LTN1: variants seen among roughly 807,000 people sequenced by gnomAD.
The protein encoded by LTN1 is E3 ubiquitin-protein ligase listerin.
A neutral mutation model predicts 201.2 loss-of-function variants in LTN1; 88 were observed. The ratio of observed to expected loss-of-function variants is 0.44; its 90% CI spans 0.37 to 0.52. The LOEUF is 0.52. Among genes scored for constraint, LTN1 ranks in the 20% least tolerant of loss-of-function variants. LTN1 has a pLI of 0.00. For synonymous variants in LTN1, 645 were observed against 713.5 expected, an observed-to-expected ratio of 0.90 and a Z score of 1.53; for missense variants, 1,752 against 2,038.7, an observed-to-expected ratio of 0.86 and a Z score of 2.71.
rs373356896 is a variant in LTN1, at chr21:28,982,411, T to A, written c.577-43A>T. 3.5e-6 allele frequency: 5 copies of A among 1,425,412 alleles called. No individual in the cohort carries two copies. In the South Asian group the frequency reaches 4.6e-5, roughly 13 times the overall value. 88.3% of individuals were successfully genotyped at this position (1,425,412 alleles called of 1,614,324 possible). A position where few individuals can be genotyped will look rare whatever the true frequency, so the allele number is the denominator to read the frequency against. On this transcript the variant is annotated intron_variant, in intron 4 of 29. Transcript: ENST00000361371. ...ACCAAAGCCTTTGGTTTTACTGAACTGTCAATGGTGAACAGACAGAGCCTA... is the reference window on the plus strand; with the variant it reads ...ACCAAAGCCTTTGGTTTTACTGAACAGTCAATGGTGAACAGACAGAGCCTA...
At position 28,988,128 on chromosome 21, in the gene LTN1, C is replaced by T. The variant is rs59213724; in HGVS notation, c.43-1194G>A. ...TTGCACTCCAGCCTGGGTGACAGGG[C>T]GAGACTCTGTCTCAAAAAAAAAAAA... On this transcript the variant is annotated intron_variant, in intron 1 of 29. Coordinates refer to ENST00000361371, the MANE Select transcript of LTN1 (RefSeq NM_015565.3). Among the ~76,000 whole-genome samples, 9 of 129,842 alleles carry T rather than the reference C, an allele frequency of 6.9e-5. No homozygotes were observed. In the East Asian group the frequency reaches 1.3e-3, roughly 19 times the overall value. 85.2% of individuals were successfully genotyped at this position (129,842 alleles called of 152,430 possible).
Position 28,984,729 on chromosome 21 carries a change from G to C in LTN1, c.539C>G (p.Pro180Arg). Residue 180 changes from proline to arginine, a missense_variant, in exon 4 of 30, where the codon CCT (proline) becomes CGT (arginine). This residue lies in a region of LTN1 where 280 missense variants were observed against 375.7 expected (regional missense o/e 0.75). Coordinates refer to ENST00000361371, the MANE Select transcript of LTN1 (RefSeq NM_015565.3). ...ATCCTTACAAAATGCTATGGCTTCA[G>C]GTTGCTTGCTTGGAGGAAAAGCCGC... ...FEAAFPPSKQ[P>R]EAIAFCKDEI... 1 of 1,614,030 alleles carries C rather than the reference G, an allele frequency of 6.2e-7. No homozygotes were observed. The highest frequency in any genetic ancestry group is 1.3e-5 in the African/African-American group (1 of 75,022).
intron 1 of LTN1, 93 bp downstream of exon 1, chr21:28,992,671 A>C: frequency 6.9e-7 from 1 of 1,442,132 alleles, no homozygotes. Flanking sequence ...GCCTCCCTAC[A>C]GCCGCGCTCC....
chr21:28,935,385 G>T, intron 26 of LTN1, 56 bp from the exon 27 acceptor site: 1 of 1,024,688 alleles, frequency 9.8e-7, no homozygotes, highest in South Asian at 1.4e-5. Flanking sequence ...TAGAATAACA[G>T]ACTAATATTA....
chr21:28,953,329 G>A lies in LTN1; in HGVS notation c.3127C>T (p.Pro1043Ser). The change falls in exon 17 of 30, where the codon CCA (proline) becomes TCA (serine). Residue 1043 changes from proline to serine, a missense_variant. Transcript: ENST00000361371. Reference protein sequence around the residue: ...SLQWCEELDNPPIFLIGFCEI... With the variant: ...SLQWCEELDNSPIFLIGFCEI... Reference sequence around the variant, plus strand: ...CAAAATCCAATTAGAAAAATAGGTGGGTTATCTAATTCTTCACACCACTGC... The same window carrying A: ...CAAAATCCAATTAGAAAAATAGGTGAGTTATCTAATTCTTCACACCACTGC... 1 of 1,605,664 alleles carries A rather than the reference G, an allele frequency of 6.2e-7. No individual in the cohort carries two copies. The highest frequency in any genetic ancestry group is 2.2e-5 in the East Asian group (1 of 44,526).
At chr21:28,964,032 G>A (rs1292709549) in intron 11 of LTN1, among the ~76,000 whole-genome samples, 1 of 152,202 alleles carries the variant, frequency 6.6e-6, no homozygotes, top group Non-Finnish European at 1.5e-5. Flanking sequence ...TAAGAAAGTG[G>A]TTTCTTGAGG....
In LTN1 at chr21:28,931,277, C is replaced by T. The variant is rs1191933538; in HGVS notation, c.5116G>A (p.Asp1706Asn). Residue 1706 changes from aspartate to asparagine, a missense_variant, in exon 29 of 30, where the codon GAC (aspartate) becomes AAC (asparagine). This residue lies in a region of LTN1 where 261 missense variants were observed against 350.1 expected (regional missense o/e 0.75). Coordinates refer to ENST00000361371, the MANE Select transcript of LTN1 (RefSeq NM_015565.3). Reference sequence around the variant, plus strand: ...TCTTCAACACCCTCAAAACGTTTGTCTACGTTATTTTTCCATAAAGCTAAG... The same window carrying T: ...TCTTCAACACCCTCAAAACGTTTGTTTACGTTATTTTTCCATAAAGCTAAG... ...EGLALWKNNV[D>N]KRFEGVEDCM... 1.2e-6 allele frequency: 2 copies of T among 1,612,596 alleles called. No homozygotes were observed. The highest frequency in any genetic ancestry group is 1.1e-5 in the South Asian group (1 of 90,844).
intron 5 of LTN1, 35 bp from the exon 6 acceptor site, chr21:28,981,334 T>G (rs2084657201): frequency 6.5e-6 from 8 of 1,227,576 alleles, no homozygotes; most frequent in Admixed American, 3.0e-5. Context: ...ATTTAAAAAT[T>G]TAGAATTAGC....
chr21:28,931,101 T>TGTG, intron 29 of LTN1, 54 bp downstream of exon 29: 1 of 967,920 alleles, frequency 1.0e-6, no homozygotes, highest in African/African-American at 1.9e-5. Flanking sequence ...GTGTGTGTGT[T>TGTG]TATGTGTATA....
chr21:28,947,559 C>A lies in LTN1; in HGVS notation c.3392G>T (p.Cys1131Phe). The change falls in exon 19 of 30, where the codon TGT becomes TTT. Residue 1131 changes from cysteine to phenylalanine, a missense_variant. Around this residue, in one of 3 missense-constraint regions of LTN1, gnomAD observed 1,211 missense variants for 1,312.8 expected, o/e 0.92. Coordinates refer to ENST00000361371, the MANE Select transcript of LTN1 (RefSeq NM_015565.3). ...EGNLHTIQSL[C>F]PFLSKEEKKE... ...CTTTTCTTCTTTTGACAAAAATGGA[C>A]ATAGACTTTGAATGGTATGCAAATT... The A allele has an allele frequency of 6.3e-7, 1 of 1,592,056 alleles. No individual in the cohort carries two copies. Among genetic ancestry groups the A allele is most frequent in the African/African-American group, 1.4e-5 (1 of 73,744 alleles).
At chr21:28,973,346 CAAAAAAAAA>C (rs771261669) in intron 6 of LTN1, among the ~76,000 whole-genome samples, 1 of 61,772 alleles carries the variant, frequency 1.6e-5, no homozygotes, top group African/African-American at 5.8e-5. Context: ...GAATCCGTCC[CAAAAAAAAA>C]AAAAAAAAAA....
At chr21:28,956,144 G>A (rs763080529) in intron 16 of LTN1, among the ~76,000 whole-genome samples, 5 of 152,068 alleles carry the variant, frequency 3.3e-5, no homozygotes, top group Non-Finnish European at 7.4e-5. Context: ...AGGGGATGAA[G>A]AGAGGTCGGT....
intron 27 of LTN1, among the ~76,000 whole-genome samples, chr21:28,934,285 T>C (rs1298166601): frequency 6.6e-6 from 1 of 152,202 alleles, no homozygotes; most frequent in Non-Finnish European, 1.5e-5. Flanking sequence ...AGTACAGATT[T>C]TGAATGAACT....
intron 23 of LTN1, 72 bp from the exon 24 acceptor site, chr21:28,943,408 G>A (rs2274800): frequency 0.26 from 232,500 of 904,120 alleles, 31,340 homozygotes; most frequent in Non-Finnish European, 0.28. Flanking sequence ...AGAGCAGAAA[G>A]ACCAATACTT....
chr21:28,959,228 C>T (rs571448100), intron 13 of LTN1, among the ~76,000 whole-genome samples: 3 of 152,328 alleles, frequency 2.0e-5, no homozygotes, highest in Admixed American at 6.5e-5. Context: ...TCAATTATGG[C>T]TCATTCCAAA....
In LTN1 at chr21:28,945,704, A is replaced by AC. The variant is rs773104341; in HGVS notation, c.3768+102dup. On this transcript the variant is annotated intron_variant, in intron 21 of 29. Transcript: ENST00000361371. ...AAAGTGTTTTAAATTATACAAAGGA[A>AC]CCAATTACAATCATCACTTAAAGAA... 1.4e-4 allele frequency: 149 copies of AC among 1,047,138 alleles called. 1 individual carries two copies. Among genetic ancestry groups the AC allele is most frequent in the Non-Finnish European group, 2.5e-5 (18 of 728,628 alleles). The allele number at this position is 1,047,138 out of a possible 1,614,324, so 64.9% of individuals were successfully genotyped here. A position where few individuals can be genotyped will look rare whatever the true frequency, so the allele number is the denominator to read the frequency against.
At position 28,944,525 on chromosome 21, in the gene LTN1, C is replaced by G; in HGVS notation, c.3840G>C (p.Leu1280Phe). The change falls in exon 22 of 30, where the codon TTG becomes TTC. Residue 1280 changes from leucine to phenylalanine, a missense_variant. Around this residue, in one of 3 missense-constraint regions of LTN1, gnomAD observed 1,211 missense variants for 1,312.8 expected, o/e 0.92. Coordinates refer to ENST00000361371, the MANE Select transcript of LTN1 (RefSeq NM_015565.3). The part of the protein sequence containing the change: ...VQLFACVSCD[L>F]ACDLSAFFDS... ...CAAAGAAAGCACTGAGGTCACAGGC[C>G]AAATCACAGCTGACACAGGCAAACA... 1 of 1,613,948 alleles carries G rather than the reference C, an allele frequency of 6.2e-7. No homozygotes were observed. Among genetic ancestry groups the G allele is most frequent in the Non-Finnish European group, 8.5e-7 (1 of 1,179,966 alleles).
rs1218646014 is a variant in LTN1, at chr21:28,982,329, G to A, written c.616C>T (p.Leu206Phe). ...DHLIKETPDT[L>F]SDPQTVPEEE... is the part of the protein sequence containing the mutation. ...AATACAACTTACTGCGGGTCACTGA[G>A]TGTATCAGGTGTTTCTTTTATAAGA... is the stretch of plus-strand genomic sequence containing the variant. The change falls in exon 5 of 30, where the codon CTC becomes TTC. Residue 206 changes from leucine to phenylalanine, a missense_variant. Around this residue, in one of 3 missense-constraint regions of LTN1, gnomAD observed 280 missense variants for 375.7 expected, o/e 0.75. Coordinates refer to ENST00000361371, the MANE Select transcript of LTN1 (RefSeq NM_015565.3). 3 of 1,613,366 alleles carry A rather than the reference G, an allele frequency of 1.9e-6. No homozygotes were observed. Among genetic ancestry groups the A allele is most frequent in the Middle Eastern group, 1.6e-4 (1 of 6,062 alleles).
intron 1 of LTN1, among the ~76,000 whole-genome samples, chr21:28,987,874 T>C (rs1398163040): frequency 6.6e-6 from 1 of 152,180 alleles, no homozygotes. Flanking sequence ...CCGGGCACAG[T>C]GGCTCACGCC....
Sources: gnomAD v4.1 joint callset for allele counts (sites outside exome capture counted in the v4.1 genomes callset) on GRCh38, gnomAD v4.1.1 for gene constraint, gnomAD v4.1.1 regional missense constraint, MANE v1.5 for transcripts, NCBI Gene and HGNC (gene_info 2026-07-23, HGNC 2026-07-21) for gene names.